Variants in TCERG1L observed in about 807,000 individuals in gnomAD.
TCERG1L encodes transcription elongation regulator 1 like, also known as transcription elongation regulator 1-like protein.
In TCERG1L, 37 loss-of-function variants were observed where a neutral mutation model predicts 56.3. The observed-to-expected ratio is 0.66, with a 90% CI of 0.51 to 0.87. The LOEUF is 0.87. Ranked by LOEUF, TCERG1L falls within the 40% of genes least tolerant of loss-of-function variation. The pLI is 0.00. For missense variants in TCERG1L, 799 were observed against 774.2 expected (o/e 1.03, Z -0.38); for synonymous variants, 324 against 326.3 (o/e 0.99, Z 0.08).
chr10:131,240,912 C>T (rs2133520704), intron 4 of TCERG1L, among the ~76,000 whole-genome samples: 1 of 152,344 alleles, frequency 6.6e-6, no homozygotes, highest in East Asian at 1.9e-4. Context: ...GCTGCAGCGG[C>T]ATCAGGGCCT....
intron 4 of TCERG1L, among the ~76,000 whole-genome samples, chr10:131,254,118 C>T (rs957906776): frequency 1.3e-5 from 2 of 151,826 alleles, no homozygotes; most frequent in African/African-American, 4.8e-5. Flanking sequence ...GCAGAGGGGC[C>T]GGCCGTGTGA....
intron 3 of TCERG1L, among the ~76,000 whole-genome samples, chr10:131,274,068 C>T (rs188150136): frequency 2.0e-5 from 3 of 152,220 alleles, no homozygotes; most frequent in East Asian, 1.9e-4. Context: ...GCACCACCGC[C>T]GTCGAATGTC....
chr10:131,234,937 C>T (rs1388826833), intron 4 of TCERG1L, among the ~76,000 whole-genome samples: 4 of 152,196 alleles, frequency 2.6e-5, no homozygotes, highest in Admixed American at 1.3e-4. Context: ...CTTTTGACCT[C>T]ATGATCTGCC....
Position 131,169,980 on chromosome 10 carries a change from G to A in TCERG1L, c.857-3095C>T, listed in dbSNP as rs184359208. The stretch of plus-strand genomic sequence containing the variant: ...TTAAAGTCTGGCTTTTGAGATAAAC[G>A]GATTTACATTGTTCCTCATGAGTGC... On this transcript the variant is annotated intron_variant, in intron 4 of 11. Transcript: ENST00000368642. 3.6e-4 allele frequency among the ~76,000 whole-genome samples: 55 copies of A among 152,230 alleles called. No homozygotes were observed. The East Asian group carries it at 6.9e-3, about 19-fold the overall frequency.
chr10:131,099,763 C>A (rs1004697199), intron 10 of TCERG1L, among the ~76,000 whole-genome samples: 7 of 152,146 alleles, frequency 4.6e-5, no homozygotes, highest in Non-Finnish European at 8.8e-5. Context: ...GCCACTGGTC[C>A]CCTGAAGATA....
intron 4 of TCERG1L, among the ~76,000 whole-genome samples, chr10:131,254,452 G>A (rs1846147970): frequency 6.6e-6 from 1 of 152,090 alleles, no homozygotes; most frequent in Admixed American, 6.6e-5. Flanking sequence ...CGGGGTAACT[G>A]GAACTACAGG....
At chr10:131,187,121 G>T (rs1275547307) in intron 4 of TCERG1L, among the ~76,000 whole-genome samples, 1 of 152,202 alleles carries the variant, frequency 6.6e-6, no homozygotes, top group Non-Finnish European at 1.5e-5. Context: ...TGAGCTCCGA[G>T]GGAAATAGAG....
intron 4 of TCERG1L, among the ~76,000 whole-genome samples, chr10:131,240,653 G>A (rs141030323): frequency 3.3e-4 from 51 of 152,314 alleles, no homozygotes; most frequent in African/African-American, 1.1e-3. Flanking sequence ...TGAGCCACGC[G>A]TTTTCTAAAA....
chr10:131,148,377 G>A (rs375468661), intron 6 of TCERG1L, among the ~76,000 whole-genome samples: 1 of 119,362 alleles, frequency 8.4e-6, no homozygotes, highest in Non-Finnish European at 1.9e-5. Context: ...CACAGACATA[G>A]AGACACACAC....
At chr10:131,223,643 C>T (rs368085402) in intron 4 of TCERG1L, among the ~76,000 whole-genome samples, 2 of 152,114 alleles carry the variant, frequency 1.3e-5, no homozygotes, top group Admixed American at 6.5e-5. Context: ...CACACTCATG[C>T]TCACACACAT....
chr10:131,144,276 AAAAC>A (rs1309348301), intron 7 of TCERG1L, among the ~76,000 whole-genome samples: 1 of 152,202 alleles, frequency 6.6e-6, no homozygotes, highest in African/African-American at 2.4e-5. Flanking sequence ...CAAAATGTGA[AAAAC>A]AAAACTCTCC....
chr10:131,259,478 A>T, intron 4 of TCERG1L, among the ~76,000 whole-genome samples: 1 of 152,212 alleles, frequency 6.6e-6, no homozygotes, highest in Admixed American at 6.5e-5. Flanking sequence ...CTAAGTTTGA[A>T]GAAACACGCA....
chr10:131,101,506 G>A (rs1845303507), intron 10 of TCERG1L, among the ~76,000 whole-genome samples: 1 of 152,158 alleles, frequency 6.6e-6, no homozygotes, highest in South Asian at 2.1e-4. Flanking sequence ...CAAGTTGGTG[G>A]TGGCACACGT....
intron 4 of TCERG1L, among the ~76,000 whole-genome samples, chr10:131,239,115 G>T (rs1176166389): frequency 6.6e-6 from 1 of 152,230 alleles, no homozygotes; most frequent in Non-Finnish European, 1.5e-5. Context: ...CCAGCCAGCT[G>T]GGTGTAAGGA....
chr10:131,229,617 T>A (rs971939242), intron 4 of TCERG1L, among the ~76,000 whole-genome samples: 7 of 152,048 alleles, frequency 4.6e-5, no homozygotes, highest in African/African-American at 1.7e-4. Flanking sequence ...AGGAGGTAGA[T>A]GAAACCCCAA....
chr10:131,113,183 A>C (rs1845426885), intron 9 of TCERG1L, among the ~76,000 whole-genome samples: 1 of 142,952 alleles, frequency 7.0e-6, no homozygotes. Context: ...CGGTTATCCC[A>C]CAATATAGCC....
At chr10:131,297,082 T>G (rs1479241926) in intron 3 of TCERG1L, among the ~76,000 whole-genome samples, 2 of 152,128 alleles carry the variant, frequency 1.3e-5, no homozygotes, top group Non-Finnish European at 2.9e-5. Context: ...TTCTTTTTAC[T>G]TTTTGCCTTG....
At chr10:131,096,847 T>C (rs1209816069) in intron 11 of TCERG1L, among the ~76,000 whole-genome samples, 6 of 149,800 alleles carry the variant, frequency 4.0e-5, no homozygotes, top group Non-Finnish European at 8.8e-5. Context: ...GATTGCATCA[T>C]TGCACTCCAG....
intron 3 of TCERG1L, among the ~76,000 whole-genome samples, chr10:131,279,930 G>A (rs1846432991): frequency 6.6e-6 from 1 of 152,128 alleles, no homozygotes. Flanking sequence ...AGGAGTGACA[G>A]GTGAGAGTTT....
Sources: gnomAD v4.1 joint callset for allele counts (sites outside exome capture counted in the v4.1 genomes callset) on GRCh38, gnomAD v4.1.1 for gene constraint, MANE v1.5 for transcripts, NCBI Gene and HGNC (gene_info 2026-07-23, HGNC 2026-07-21) for gene names.